The following RYR2 variants were observed in gnomAD, a reference collection of about 807,000 sequenced individuals.
RYR2 encodes ryanodine receptor 2.
A neutral mutation model predicts 601.1 loss-of-function variants in RYR2; 227 were observed. That is an observed-to-expected ratio of 0.38 (90% CI 0.34 to 0.42). The LOEUF is 0.42. Ranked by LOEUF, RYR2 falls within the 10% of genes least tolerant of loss-of-function variation. The probability of loss-of-function intolerance (pLI) is 1.00; values close to 1 mark genes in which losing one functional copy is unlikely to be tolerated. For missense variants in RYR2, 4,646 were observed against 6,156.5 expected, an observed-to-expected ratio of 0.75 and a Z score of 8.21; for synonymous variants, 2,223 against 2,175.1, an observed-to-expected ratio of 1.02 and a Z score of -0.61.
chr1:237,635,391 G>C (rs1680772510), intron 44 of RYR2, among the ~76,000 whole-genome samples: 1 of 151,904 alleles, frequency 6.6e-6, no homozygotes. Flanking sequence ...TGCCACTTTT[G>C]ACTTAATCAT....
intron 11 of RYR2, among the ~76,000 whole-genome samples, chr1:237,422,620 T>C (rs1322321460): frequency 1.3e-5 from 2 of 152,170 alleles, no homozygotes; most frequent in South Asian, 2.1e-4. Flanking sequence ...TATATATGAG[T>C]TCCAATTAAT....
At chr1:237,208,950 A>AG (rs1682151494) in intron 1 of RYR2, among the ~76,000 whole-genome samples, 3 of 57,474 alleles carry the variant, frequency 5.2e-5, no homozygotes, top group Non-Finnish European at 1.2e-4. Context: ...ATATATATAT[A>AG]TATATATATA....
At chr1:237,294,760 C>T (rs1213504497) in intron 2 of RYR2, among the ~76,000 whole-genome samples, 2 of 151,950 alleles carry the variant, frequency 1.3e-5, no homozygotes, top group African/African-American at 2.4e-5. Context: ...TTCTTATAAC[C>T]CCCAACCCCC....
chr1:237,234,701 A>G (rs184111705), intron 1 of RYR2, among the ~76,000 whole-genome samples: 2 of 152,280 alleles, frequency 1.3e-5, no homozygotes, highest in African/African-American at 4.8e-5. Context: ...ACATTAGAAA[A>G]TATTTGTAGA....
At chr1:237,362,421 G>A (rs895981345) in intron 4 of RYR2, among the ~76,000 whole-genome samples, 1 of 152,048 alleles carries the variant, frequency 6.6e-6, no homozygotes, top group Non-Finnish European at 1.5e-5. Context: ...GCACAAAAAC[G>A]ACATTCTCCA....
At chr1:237,211,538 C>A (rs2111736) in intron 1 of RYR2, among the ~76,000 whole-genome samples, 93,858 of 152,064 alleles carry the variant, frequency 0.62, 31,787 homozygotes, top group Admixed American at 0.75. Context: ...GAGAACAGAG[C>A]TTTTCCTCTA....
intron 17 of RYR2, among the ~76,000 whole-genome samples, chr1:237,472,006 T>A (rs1660778061): frequency 6.6e-6 from 1 of 152,220 alleles, no homozygotes; most frequent in Non-Finnish European, 1.5e-5. Flanking sequence ...AGACTTGCAA[T>A]ATGACCATGA....
At chr1:237,229,975 CCTT>C (rs1558464021) in intron 1 of RYR2, among the ~76,000 whole-genome samples, 1 of 152,088 alleles carries the variant, frequency 6.6e-6, no homozygotes, top group Non-Finnish European at 1.5e-5. Context: ...GATAGCCCCC[CCTT>C]TTTTTATATA....
rs150921187 is a variant in RYR2, at chr1:237,728,693, A to G, written c.10838+1494A>G. On this transcript the variant is annotated intron_variant, in intron 76 of 104. Transcript: ENST00000366574. ...GCAAACTAACACAGGAACAGAAAAT[A>G]AAATACCACATGTTCTCACTCATAA... Among the ~76,000 whole-genome samples the G allele has an allele frequency of 4.3e-3, 655 of 151,938 alleles. 3 individuals are homozygous for G. Among genetic ancestry groups the G allele is most frequent in the Non-Finnish European group, 6.1e-3 (413 of 67,904 alleles).
At chr1:237,560,099 C>A (rs1273519353) in intron 27 of RYR2, among the ~76,000 whole-genome samples, 1 of 152,232 alleles carries the variant, frequency 6.6e-6, no homozygotes, top group Non-Finnish European at 1.5e-5. Flanking sequence ...GCCTCAAGGT[C>A]TTTCAGAGGT....
At chr1:237,097,674 G>A (rs988060837) in intron 1 of RYR2, among the ~76,000 whole-genome samples, 1 of 152,200 alleles carries the variant, frequency 6.6e-6, no homozygotes, top group East Asian at 1.9e-4. Flanking sequence ...TTCTGGCAAG[G>A]AGGATATGGG....
chr1:237,741,848 C>T (rs1019472237), intron 79 of RYR2, among the ~76,000 whole-genome samples: 2 of 152,070 alleles, frequency 1.3e-5, no homozygotes, highest in African/African-American at 2.4e-5. Context: ...GTGATCTGCC[C>T]GCTACTGCCT....
chr1:237,509,940 AG>A (rs1665713002), intron 23 of RYR2, among the ~76,000 whole-genome samples: 1 of 152,232 alleles, frequency 6.6e-6, no homozygotes, highest in Non-Finnish European at 1.5e-5. Flanking sequence ...CAGTGTTGCA[AG>A]AGGACACCTC....
At chr1:237,438,085 A>G (rs1233193674) in intron 12 of RYR2, among the ~76,000 whole-genome samples, 1 of 152,198 alleles carries the variant, frequency 6.6e-6, no homozygotes, top group African/African-American at 2.4e-5. Context: ...TTTTTATACA[A>G]TTCCAATCTG....
At chr1:237,409,680 A>G (rs1227053820) in intron 10 of RYR2, among the ~76,000 whole-genome samples, 14 of 152,122 alleles carry the variant, frequency 9.2e-5, no homozygotes, top group African/African-American at 2.2e-4. Context: ...CAGAAATTCT[A>G]TGGTATATTC....
chr1:237,433,318 G>A (rs892774866), intron 12 of RYR2, among the ~76,000 whole-genome samples: 1 of 143,532 alleles, frequency 7.0e-6, no homozygotes, highest in Non-Finnish European at 1.5e-5. Context: ...ATATACAGAC[G>A]TGAAAAATTA....
chr1:237,359,057 G>A (rs1000527801), intron 4 of RYR2, among the ~76,000 whole-genome samples: 14 of 152,188 alleles, frequency 9.2e-5, no homozygotes, highest in African/African-American at 3.4e-4. Flanking sequence ...TCCAGTTAGG[G>A]TGAGGTTATA....
chr1:237,774,077 T>G (rs1486604707), intron 87 of RYR2, among the ~76,000 whole-genome samples: 1 of 152,260 alleles, frequency 6.6e-6, no homozygotes, highest in African/African-American at 2.4e-5. Context: ...AAATAGCGTA[T>G]AGAATATTCT....
intron 17 of RYR2, among the ~76,000 whole-genome samples, chr1:237,491,588 T>C (rs1663346735): frequency 6.6e-6 from 1 of 152,192 alleles, no homozygotes; most frequent in Admixed American, 6.5e-5. Context: ...CTCAGTTGTT[T>C]GCCTTTTCTT....
Sources: allele counts gnomAD v4.1 joint callset (sites outside exome capture counted in the v4.1 genomes callset), GRCh38; gene constraint gnomAD v4.1.1; transcripts MANE v1.5; gene names NCBI Gene and HGNC (gene_info 2026-07-23, HGNC 2026-07-21).